Variants in DPYD observed in about 807,000 individuals in gnomAD.
DPYD encodes the protein dihydropyrimidine dehydrogenase [NADP(+)].
In DPYD, 109 loss-of-function variants were observed where a neutral mutation model predicts 116.2. The ratio of observed to expected loss-of-function variants is 0.94; its 90% CI spans 0.80 to 1.10. The LOEUF is 1.10. Among genes scored for constraint, DPYD ranks in the 50% least tolerant of loss-of-function variants. The probability of loss-of-function intolerance (pLI) is 0.00; values close to 1 mark genes in which losing one functional copy is unlikely to be tolerated. For synonymous variants in DPYD, 440 were observed against 432.0 expected (o/e 1.02, Z -0.23); for missense variants, 1,302 against 1,254.5 (o/e 1.04, Z -0.57).
intron 3 of DPYD, among the ~76,000 whole-genome samples, chr1:97,810,286 C>CAAAAAAAA (rs71071672): frequency 1.4e-5 from 1 of 73,614 alleles, no homozygotes; most frequent in Admixed American, 1.8e-4. Context: ...GACTCCATCT[C>CAAAAAAAA]AAAAAAAAAA....
chr1:97,131,019 C>T lies in DPYD; in HGVS notation c.2623-32387G>A, dbSNP rs544286437. 4.8e-4 allele frequency among the ~76,000 whole-genome samples: 73 copies of T among 151,650 alleles called. 1 individual carries two copies. The highest frequency in any genetic ancestry group is 1.7e-3 in the African/African-American group (71 of 41,340). On this transcript the variant is annotated intron_variant, in intron 20 of 22. Coordinates refer to ENST00000370192, the MANE Select transcript of DPYD (RefSeq NM_000110.4). ...CATTATGACAAGTTTTAAGTATGAA[C>T]AGTGTTTGGGAATAAATGAATATGC...
intron 16 of DPYD, among the ~76,000 whole-genome samples, chr1:97,363,354 A>G (rs1218315004): frequency 6.6e-6 from 1 of 152,164 alleles, no homozygotes; most frequent in East Asian, 1.9e-4. Flanking sequence ...ACTGTTGGTG[A>G]GACTGTAAAC....
At chr1:97,784,421 G>T (rs2101227417) in intron 3 of DPYD, among the ~76,000 whole-genome samples, 1 of 152,162 alleles carries the variant, frequency 6.6e-6, no homozygotes, top group Middle Eastern at 3.4e-3. Context: ...AGATGAAGAG[G>T]ACATAAAGAA....
At chr1:97,195,337 C>T (rs1658673537) in intron 19 of DPYD, among the ~76,000 whole-genome samples, 1 of 151,422 alleles carries the variant, frequency 6.6e-6, no homozygotes, top group South Asian at 2.1e-4. Flanking sequence ...GAAGGAAATG[C>T]CTGAAAACAG....
At chr1:97,803,566 G>A (rs1294023151) in intron 3 of DPYD, among the ~76,000 whole-genome samples, 2 of 151,734 alleles carry the variant, frequency 1.3e-5, no homozygotes, top group African/African-American at 2.4e-5. Context: ...TATGAAATGG[G>A]ACTACACAAA....
chr1:97,469,384 G>C (rs1677499975), intron 13 of DPYD, among the ~76,000 whole-genome samples: 1 of 68,290 alleles, frequency 1.5e-5, no homozygotes, highest in Non-Finnish European at 2.5e-5. Context: ...AGCTCTAAGG[G>C]AAGCTAAAAT....
intron 20 of DPYD, among the ~76,000 whole-genome samples, chr1:97,170,085 T>A (rs1234610964): frequency 6.6e-6 from 1 of 152,138 alleles, no homozygotes; most frequent in Admixed American, 6.6e-5. Context: ...ACAGAAAATA[T>A]ATTAGCATCA....
At chr1:97,422,188 ATAT>A (rs1321443896) in intron 14 of DPYD, among the ~76,000 whole-genome samples, 3 of 152,190 alleles carry the variant, frequency 2.0e-5, no homozygotes, top group African/African-American at 7.2e-5. Flanking sequence ...TTATATTAAA[ATAT>A]TAATATAGGT....
At chr1:97,104,684 G>A (rs1162769085) in intron 20 of DPYD, among the ~76,000 whole-genome samples, 1 of 152,044 alleles carries the variant, frequency 6.6e-6, no homozygotes, top group Non-Finnish European at 1.5e-5. Flanking sequence ...TCCTCCAGGT[G>A]GAATAAACAG....
intron 6 of DPYD, among the ~76,000 whole-genome samples, chr1:97,692,140 T>TA (rs910563542): frequency 3.3e-5 from 5 of 152,118 alleles, no homozygotes; most frequent in East Asian, 1.9e-4. Context: ...ATTCCTAAGA[T>TA]AAAAAATCTT....
At chr1:97,779,579 T>G (rs544859203) in intron 3 of DPYD, among the ~76,000 whole-genome samples, 2 of 152,264 alleles carry the variant, frequency 1.3e-5, no homozygotes, top group East Asian at 3.9e-4. Flanking sequence ...AGGAACTGAT[T>G]TATTCTTCTC....
chr1:97,221,515 A>C (rs192836802), intron 19 of DPYD, among the ~76,000 whole-genome samples: 8 of 152,206 alleles, frequency 5.3e-5, no homozygotes, highest in African/African-American at 1.9e-4. Flanking sequence ...ATAGAAGATA[A>C]TATTCAATAG....
chr1:97,602,573 T>C (rs933785144), intron 8 of DPYD, among the ~76,000 whole-genome samples: 2 of 152,032 alleles, frequency 1.3e-5, no homozygotes, highest in African/African-American at 4.8e-5. Context: ...CATGCATTTT[T>C]GGTCTCATAC....
chr1:97,600,961 T>G (rs1655208616), intron 8 of DPYD, among the ~76,000 whole-genome samples: 4 of 152,112 alleles, frequency 2.6e-5, no homozygotes, highest in Admixed American at 2.6e-4. Flanking sequence ...TAGACTACAA[T>G]GAACTCCAGC....
intron 13 of DPYD, among the ~76,000 whole-genome samples, chr1:97,459,872 A>G (rs1210853214): frequency 1.3e-5 from 2 of 152,196 alleles, no homozygotes; most frequent in African/African-American, 4.8e-5. Flanking sequence ...AAAAAAATAA[A>G]CAAAACTAAA....
At position 97,883,581 on chromosome 1, in the gene DPYD, G is replaced by A. The variant is rs531617572; in HGVS notation, c.40-207C>T. 2.0e-5 allele frequency among the ~76,000 whole-genome samples: 3 copies of A among 151,968 alleles called. No individual in the cohort carries two copies. The East Asian group carries it at 5.8e-4, about 30-fold the overall frequency. On this transcript the variant is annotated intron_variant, in intron 1 of 22. Transcript: ENST00000370192. ...CCCACCTTAGTCTCCCAAGTAGCTC[G>A]GACTACAGGCGTACGCTACCACACC...
At chr1:97,736,998 CA>C (rs1663992995) in intron 4 of DPYD, among the ~76,000 whole-genome samples, 3 of 152,012 alleles carry the variant, frequency 2.0e-5, no homozygotes, top group African/African-American at 7.2e-5. Flanking sequence ...AGTCATTACC[CA>C]CTTTTATAAA....
intron 2 of DPYD, among the ~76,000 whole-genome samples, chr1:97,883,046 G>T (rs527899826): frequency 6.6e-6 from 1 of 151,898 alleles, no homozygotes; most frequent in Non-Finnish European, 1.5e-5. Flanking sequence ...TCAGATTTGG[G>T]TTACTCAACC....
chr1:97,171,415 C>T (rs1014639901), intron 20 of DPYD, among the ~76,000 whole-genome samples: 3 of 152,196 alleles, frequency 2.0e-5, no homozygotes, highest in African/African-American at 7.2e-5. Context: ...TTAATCTGCT[C>T]TCTGCCAACT....
Sources: allele counts gnomAD v4.1 joint callset (sites outside exome capture counted in the v4.1 genomes callset), GRCh38; gene constraint gnomAD v4.1.1; transcripts MANE v1.5; gene names NCBI Gene and HGNC (gene_info 2026-07-23, HGNC 2026-07-21).